RPL6: variants seen among roughly 807,000 people sequenced by gnomAD.
RPL6 encodes the protein large ribosomal subunit protein eL6.
A neutral mutation model predicts 32.1 loss-of-function variants in RPL6; 1 was observed. That is an observed-to-expected ratio of 0.03 (90% confidence interval 0.01 to 0.15). The LOEUF is 0.15. Ranked by LOEUF, RPL6 falls within the 10% of genes least tolerant of loss-of-function variation. The pLI is 1.00. For missense variants in RPL6, 275 were observed against 354.6 expected, an observed-to-expected ratio of 0.78 and a Z score of 1.80; for synonymous variants, 126 against 131.6, an observed-to-expected ratio of 0.96 and a Z score of 0.29.
Position 112,405,225 on chromosome 12 carries a change from T to C in RPL6, c.866A>G (p.Ter289=), listed in dbSNP as rs1405772903. 3.2e-6 allele frequency: 5 copies of C among 1,564,524 alleles called. No individual in the cohort carries two copies. The highest frequency in any genetic ancestry group is 4.3e-6 in the Non-Finnish European group (5 of 1,159,556). The change falls in exon 7 of 7, where the codon TAA becomes TGA. Residue 289 remains the stop codon, a stop_retained_variant. Coordinates refer to ENST00000202773, the MANE Select transcript of RPL6 (RefSeq NM_000970.6). ...NGIYPHKLVF[*] ...TATTTAATTAGGTTCTTAAGACATT[T>C]AGAACACCAATTTGTGAGGATAAAT...
At chr12:112,410,653 A>G (rs1295554307), upstream of RPL6, among the ~76,000 whole-genome samples, 1 of 131,946 alleles carries the variant, frequency 7.6e-6, no homozygotes, top group African/African-American at 2.8e-5. Flanking sequence ...GGCTCACGGC[A>G]ACCTCTGCCT....
chr12:112,407,885 A>G, intron 3 of RPL6: 1 of 208,010 alleles, frequency 4.8e-6, no homozygotes, highest in Non-Finnish European at 9.8e-6. Flanking sequence ...GCAACCAGCT[A>G]ATTTGTATAT....
At chr12:112,406,989 A>C in intron 3 of RPL6, 99 bp from the exon 4 acceptor site, 1 of 1,173,392 alleles carries the variant, frequency 8.5e-7, no homozygotes, top group East Asian at 2.4e-5. Flanking sequence ...TTTTTATTTT[A>C]AAGTATAATA....
rs2037298695 is a variant in RPL6 at position 112,409,596 on chromosome 12, T to C, written c.-10A>G. The C allele has an allele frequency of 2.5e-6, 1 of 398,314 alleles. No individual in the cohort carries two copies. Among genetic ancestry groups the C allele is most frequent in the Non-Finnish European group, 4.4e-6 (1 of 225,978 alleles). The allele number at this position is 398,314 out of a possible 1,614,324, so 24.7% of individuals were successfully genotyped here. ...GGCCCGCGATTCTTACCTTGCAAGA[T>C]GGGAAAGAGAATTAAGGTCCCGGCT... On this transcript the variant is annotated 5_prime_UTR_variant, in exon 1 of 7. Coordinates refer to ENST00000202773, the MANE Select transcript of RPL6 (RefSeq NM_000970.6).
chr12:112,408,217 A>AC, intron 3 of RPL6, 23 bp downstream of exon 3: 1 of 1,576,230 alleles, frequency 6.3e-7, no homozygotes. Flanking sequence ...CAGAAAATCC[A>AC]ATTTACAGTC....
chr12:112,408,065 T>A, intron 3 of RPL6, 175 bp downstream of exon 3: 2 of 606,310 alleles, frequency 3.3e-6, no homozygotes, highest in South Asian at 4.1e-5. Flanking sequence ...GACGAGTAAT[T>A]TAAATTACTT....
At chr12:112,414,822 G>A (rs775223389), upstream of RPL6, among the ~76,000 whole-genome samples, 33 of 151,836 alleles carry the variant, frequency 2.2e-4, no homozygotes, top group Non-Finnish European at 2.9e-5. Flanking sequence ...AGAGAATGGC[G>A]TGAACCCAGG....
At chr12:112,407,824 T>C (rs558596107) in intron 3 of RPL6, 1 of 170,870 alleles carries the variant, frequency 5.9e-6, no homozygotes, top group Non-Finnish European at 1.3e-5. Context: ...GCCTCCCGGG[T>C]TCAAGCGATT....
At chr12:112,410,873 C>T (rs566569764), upstream of RPL6, among the ~76,000 whole-genome samples, 9 of 152,136 alleles carry the variant, frequency 5.9e-5, no homozygotes, top group East Asian at 3.8e-4. Context: ...CCGCACCTGG[C>T]GAACTGTTAG....
chr12:112,406,721 A>G (rs2135795910), intron 4 of RPL6, 26 bp downstream of exon 4: 2 of 1,612,504 alleles, frequency 1.2e-6, no homozygotes, highest in South Asian at 2.2e-5. Flanking sequence ...GCTGCAGTGA[A>G]GCGCCCCAAG....
chr12:112,406,215 A>T (rs1395996666), intron 5 of RPL6, 79 bp downstream of exon 5: 1 of 1,320,874 alleles, frequency 7.6e-7, no homozygotes, highest in Non-Finnish European at 1.1e-6. Flanking sequence ...CCATGTAGGC[A>T]GTAGCAAACA....
rs759820119 is a variant in RPL6 at position 112,406,910 on chromosome 12, C to A, written c.337-20G>T. 6.2e-7 allele frequency: 1 copy of A among 1,612,920 alleles called. No homozygotes were observed. The highest frequency in any genetic ancestry group is 1.1e-5 in the South Asian group (1 of 90,892). ...TCTAGGCTGTGGAGAGTCCATAGAT[C>A]CAACTTATTTAAATAAGCCATTCAG... On this transcript the variant is annotated intron_variant, in intron 3 of 6. Coordinates refer to ENST00000202773, the MANE Select transcript of RPL6 (RefSeq NM_000970.6).
chr12:112,410,554 C>CTTTTTTTTTTTTT (rs561190073), upstream of RPL6: 6 of 36,262 alleles, frequency 1.7e-4, 2 homozygotes, highest in Non-Finnish European at 3.3e-4. Context: ...AGTGTTAGCT[C>CTTTTTTTTTTTTT]TTTTTTTTTT....
chr12:112,409,324 T>G (rs2037286529), intron 1 of RPL6: 1 of 394,344 alleles, frequency 2.5e-6, no homozygotes, highest in Non-Finnish European at 4.5e-6. Context: ...CCCACCAGTC[T>G]GCTACGGGTC....
At chr12:112,418,769 A>C in exon 1 of RPL6, 1 of 416,208 alleles carries the variant, frequency 2.4e-6, no homozygotes, top group Non-Finnish European at 4.4e-6. Flanking sequence ...GATGCTTTGG[A>C]CACTGTGCGT....
At chr12:112,405,768 TTTC>T (rs1269280927) in intron 6 of RPL6, 82 bp downstream of exon 6, 4 of 1,121,894 alleles carry the variant, frequency 3.6e-6, no homozygotes, top group Non-Finnish European at 5.1e-6. Flanking sequence ...ACCTTTCATT[TTTC>T]TTCTTTTTGT....
At chr12:112,415,369 G>A (rs1770054328), upstream of RPL6, among the ~76,000 whole-genome samples, 1 of 152,150 alleles carries the variant, frequency 6.6e-6, no homozygotes. Flanking sequence ...AGGAGTTCAA[G>A]GCCAGCCTGG....
At position 112,418,568 on chromosome 12, in the gene RPL6, A is replaced by G. The variant is rs567129102; in HGVS notation, c.-229+160T>C. On this transcript the variant is annotated intron_variant, in intron 1 of 5. Transcript: ENST00000551291. ...CTACTATCTTTATCTTACAGAAAGA[A>G]AAGAATGGAGGAAACCGAGGCTCGG... 5 of 235,412 alleles carry G rather than the reference A, an allele frequency of 2.1e-5. No individual in the cohort carries two copies. In the Admixed American group the frequency reaches 2.8e-4, roughly 13 times the overall value. The allele number at this position is 235,412 out of a possible 1,614,324, so 14.6% of individuals were successfully genotyped here. A position where few individuals can be genotyped will look rare whatever the true frequency, so the allele number is the denominator to read the frequency against.
chr12:112,417,798 C>T (rs2037437916), intron 1 of RPL6, among the ~76,000 whole-genome samples: 1 of 151,340 alleles, frequency 6.6e-6, no homozygotes, highest in African/African-American at 2.4e-5. Context: ...GCTGGGACTA[C>T]AGGCGCGCGC....
Sources: allele counts gnomAD v4.1 joint callset (sites outside exome capture counted in the v4.1 genomes callset), GRCh38; gene constraint gnomAD v4.1.1; transcripts MANE v1.5; gene names NCBI Gene and HGNC (gene_info 2026-07-23, HGNC 2026-07-21).